PIEZO1: variants seen among roughly 807,000 people sequenced by gnomAD.
PIEZO1 encodes piezo type mechanosensitive ion channel component 1 (Er blood group).
PIEZO1 carries 296 observed loss-of-function variants against 297.2 expected under a neutral mutation model. The ratio of observed to expected loss-of-function variants is 1.00; its 90% CI spans 0.91 to 1.10. The LOEUF is 1.10. Among genes scored for constraint, PIEZO1 ranks in the 50% least tolerant of loss-of-function variants. The probability of loss-of-function intolerance (pLI) is 0.00; values close to 1 mark genes in which losing one functional copy is unlikely to be tolerated. For synonymous variants in PIEZO1, 2,427 were observed against 1,507.5 expected (o/e 1.61, Z -14.13); for missense variants, 5,018 against 3,455.5 (o/e 1.45, Z -11.34).
At chr16:88,762,157 G>T (rs934867004) in intron 1 of PIEZO1, among the ~76,000 whole-genome samples, 38 of 152,312 alleles carry the variant, frequency 2.5e-4, no homozygotes, top group Admixed American at 9.8e-4. Flanking sequence ...CCTGGGAAGG[G>T]AGCTGGGTCA....
chr16:88,742,123 T>A (rs1014088865), intron 3 of PIEZO1, 28 bp from the exon 4 acceptor site: 2 of 1,535,432 alleles, frequency 1.3e-6, no homozygotes, highest in Non-Finnish European at 1.7e-6. Context: ...GGAACCCAGG[T>A]CAGGCTCTGC....
At chr16:88,782,763 C>T (rs1907990679) in intron 1 of PIEZO1, among the ~76,000 whole-genome samples, 1 of 152,240 alleles carries the variant, frequency 6.6e-6, no homozygotes, top group Non-Finnish European at 1.5e-5. Context: ...TCCGGCCAGG[C>T]CAGCTGAACC....
In PIEZO1 at chr16:88,726,551, ATAG is replaced by A; in HGVS notation, c.3789_3791del (p.Tyr1264del). The stretch of plus-strand genomic sequence containing the variant: ...GCCACCGTCCTGGCCACTCACGGTC[ATAG>A]TAGCCCTTGACGGTGCATACAAGGC... On this transcript the variant is annotated inframe_deletion, in exon 26 of 51. Transcript: ENST00000301015. 1 of 1,549,558 alleles carries A rather than the reference ATAG, an allele frequency of 6.5e-7. No individual in the cohort carries two copies. The highest frequency in any genetic ancestry group is 8.7e-7 in the Non-Finnish European group (1 of 1,146,340).
intron 1 of PIEZO1, among the ~76,000 whole-genome samples, chr16:88,776,875 G>A (rs1907690794): frequency 6.6e-6 from 1 of 152,244 alleles, no homozygotes; most frequent in South Asian, 2.1e-4. Context: ...GAATGTGTGT[G>A]CTCATTCCCC....
chr16:88,743,050 T>G (rs1378645996), intron 2 of PIEZO1: 1 of 456,460 alleles, frequency 2.2e-6, no homozygotes, highest in Non-Finnish European at 4.4e-6. Flanking sequence ...CAGACCGGCA[T>G]CCTCTCTCTC....
chr16:88,744,865 G>C (rs1006130590), intron 2 of PIEZO1, among the ~76,000 whole-genome samples: 1 of 152,068 alleles, frequency 6.6e-6, no homozygotes, highest in African/African-American at 2.4e-5. Flanking sequence ...CCCGGGAAGA[G>C]ACGCTGCTGG....
chr16:88,782,332 G>T (rs78437201), intron 1 of PIEZO1, among the ~76,000 whole-genome samples: 7 of 151,936 alleles, frequency 4.6e-5, no homozygotes, highest in Admixed American at 6.6e-5. Context: ...GGCTGCTCTC[G>T]AATGGCTACG....
At position 88,741,634 on chromosome 16, in the gene PIEZO1, C is replaced by A; in HGVS notation, c.327-18G>T. On this transcript the variant is annotated intron_variant, in intron 4 of 50. Transcript: ENST00000301015. ...GGTCCAGCCTGCGGAGAGCAGGGAGCAGCCGCGGTCAGACCAAGAGGACAG... is the reference window on the plus strand; with the variant it reads ...GGTCCAGCCTGCGGAGAGCAGGGAGAAGCCGCGGTCAGACCAAGAGGACAG... 6.5e-7 allele frequency: 1 copy of A among 1,530,270 alleles called. No homozygotes were observed. Among genetic ancestry groups the A allele is most frequent in the Non-Finnish European group, 8.7e-7 (1 of 1,144,412 alleles). 94.8% of individuals were successfully genotyped at this position (1,530,270 alleles called of 1,614,324 possible).
chr16:88,726,471 C>A lies in PIEZO1; in HGVS notation c.3797-16G>T. 6.5e-7 allele frequency: 1 copy of A among 1,548,662 alleles called. No homozygotes were observed. The highest frequency in any genetic ancestry group is 8.7e-7 in the Non-Finnish European group (1 of 1,145,734). On this transcript the variant is annotated splice_polypyrimidine_tract_variant and intron_variant, in intron 26 of 50. Transcript: ENST00000301015. ...ATCTCCTTGGCTGCAAGGCAGGCAC[C>A]GGCAAGGGTCAGGCCCAGGGCCCAG...
rs1912108722 is a variant in PIEZO1 at position 88,717,175 on chromosome 16, T to C, written c.6508A>G (p.Ile2170Val). ...PQPKGQKKKK[I>V]VKYGMGGLII... is the part of the protein sequence containing the mutation. ...AGGCCACCCATGCCGTACTTGACGATCTTCTTCTTCTTCTGCCCTTTGGGC... is the reference window on the plus strand; with the variant it reads ...AGGCCACCCATGCCGTACTTGACGACCTTCTTCTTCTTCTGCCCTTTGGGC... The change falls in exon 45 of 51, where the codon ATC (isoleucine) becomes GTC (valine). Residue 2170 changes from isoleucine to valine, a missense_variant. Coordinates refer to ENST00000301015, the MANE Select transcript of PIEZO1 (RefSeq NM_001142864.4). 6.5e-7 allele frequency: 1 copy of C among 1,544,454 alleles called. No individual in the cohort carries two copies. Among genetic ancestry groups the C allele is most frequent in the Non-Finnish European group, 8.7e-7 (1 of 1,143,062 alleles).
intron 22 of PIEZO1, chr16:88,731,340 C>T (rs1364293990): frequency 4.0e-6 from 1 of 252,352 alleles, no homozygotes; most frequent in East Asian, 9.4e-5. Context: ...CACCCTCACC[C>T]AGGAGACGCA....
chr16:88,754,380 C>T (rs1906549680), intron 1 of PIEZO1, among the ~76,000 whole-genome samples: 2 of 152,192 alleles, frequency 1.3e-5, no homozygotes, highest in African/African-American at 2.4e-5. Flanking sequence ...GGGCTGGACA[C>T]CACCCACTCC....
chr16:88,719,649 G>A lies in PIEZO1; in HGVS notation c.6396C>T (p.Ser2132=), dbSNP rs970776415. The A allele has an allele frequency of 1.0e-5, 16 of 1,553,978 alleles. No homozygotes were observed. In the African/African-American group the frequency reaches 1.1e-4, roughly 11 times the overall value. ...CCTCCACACACATCCAGCTGGACAG[G>A]GACAGCGTGGTGTCCGTCCACACCC... The part of the protein sequence containing the change: ...MDWVWTDTTL[S]LSSWMCVEDI... The change falls in exon 44 of 51, where the codon TCC becomes TCT. Residue 2132 remains serine, a synonymous_variant. Transcript: ENST00000301015.
At chr16:88,783,994 G>T (rs970223371) in intron 1 of PIEZO1, among the ~76,000 whole-genome samples, 1 of 152,236 alleles carries the variant, frequency 6.6e-6, no homozygotes, top group Non-Finnish European at 1.5e-5. Context: ...AATTCCATCC[G>T]ACTGCTTCCC....
chr16:88,716,172 C>T (rs1230862398), intron 49 of PIEZO1, 26 bp downstream of exon 49: 2 of 1,515,026 alleles, frequency 1.3e-6, no homozygotes, highest in Middle Eastern at 1.7e-4. Context: ...TCTCTAGCCT[C>T]CCCCAACCCC....
chr16:88,736,516 G>A (rs1184425521), intron 11 of PIEZO1, 108 bp from the exon 12 acceptor site: 7 of 598,534 alleles, frequency 1.2e-5, no homozygotes, highest in East Asian at 5.6e-5. Flanking sequence ...ACCCCACCCA[G>A]GCGATGCCCC....
At chr16:88,764,576 C>A (rs528100276) in intron 1 of PIEZO1, among the ~76,000 whole-genome samples, 1 of 151,994 alleles carries the variant, frequency 6.6e-6, no homozygotes, top group East Asian at 1.9e-4. Context: ...CATGACGAAA[C>A]CCCGTCGCTA....
In PIEZO1 at chr16:88,727,188, G is replaced by C. The variant is rs749268499; in HGVS notation, c.3306C>G (p.Asp1102Glu). 17 of 1,539,532 alleles carry C rather than the reference G, an allele frequency of 1.1e-5. No homozygotes were observed. Among genetic ancestry groups the C allele is most frequent in the African/African-American group, 1.4e-5 (1 of 72,820 alleles). ...RAPNSTNLISDFLLLLCASQQ... is the reference protein window; with the variant it reads ...RAPNSTNLISEFLLLLCASQQ... Reference sequence around the variant, plus strand: ...GGGAGGCGCACAGCAGCAGGAGAAAGTCGCCTGCAGGACACAGGAGCCGCC... The same window carrying C: ...GGGAGGCGCACAGCAGCAGGAGAAACTCGCCTGCAGGACACAGGAGCCGCC... Residue 1102 changes from aspartate (D) to glutamate (E), a missense_variant, in exon 24 of 51, where the codon GAC (aspartate) becomes GAG (glutamate). Coordinates refer to ENST00000301015, the MANE Select transcript of PIEZO1 (RefSeq NM_001142864.4).
intron 22 of PIEZO1, among the ~76,000 whole-genome samples, chr16:88,730,389 G>C (rs1904720860): frequency 6.6e-6 from 1 of 151,752 alleles, no homozygotes; most frequent in African/African-American, 2.4e-5. Context: ...CCTGAGGTCA[G>C]GAGTTCAAGA....
Sources: allele counts gnomAD v4.1 joint callset (sites outside exome capture counted in the v4.1 genomes callset), GRCh38; gene constraint gnomAD v4.1.1; transcripts MANE v1.5; gene names NCBI Gene and HGNC (gene_info 2026-07-23, HGNC 2026-07-21).